CREB5: variants seen among roughly 807,000 people sequenced by gnomAD.
The protein encoded by CREB5 is cyclic AMP-responsive element-binding protein 5.
A neutral mutation model predicts 57.1 loss-of-function variants in CREB5; 19 were observed. That is an observed-to-expected ratio of 0.33 (90% CI 0.23 to 0.49). The LOEUF (loss-of-function observed/expected upper bound fraction) is 0.49. Among genes scored for constraint, CREB5 ranks in the 20% least tolerant of loss-of-function variants. The pLI, the probability that CREB5 is intolerant of heterozygous loss-of-function variation, is 0.99. For missense variants in CREB5, 579 were observed against 671.6 expected, an observed-to-expected ratio of 0.86 and a Z score of 1.52; for synonymous variants, 238 against 238.3, an observed-to-expected ratio of 1.00 and a Z score of 0.01.
chr7:28,661,585 C>A (rs562149689), intron 5 of CREB5, among the ~76,000 whole-genome samples: 3 of 152,286 alleles, frequency 2.0e-5, no homozygotes, highest in African/African-American at 7.2e-5. Context: ...TTACTTGCTG[C>A]ATTTAGAGAC....
chr7:28,545,429 G>A (rs760222775), intron 4 of CREB5, among the ~76,000 whole-genome samples: 2 of 152,080 alleles, frequency 1.3e-5, no homozygotes, highest in Non-Finnish European at 2.9e-5. Flanking sequence ...GCAAAGCTAT[G>A]GTACATTTCT....
chr7:28,529,576 A>G (rs1246396583), intron 4 of CREB5, among the ~76,000 whole-genome samples: 1 of 152,194 alleles, frequency 6.6e-6, no homozygotes, highest in Non-Finnish European at 1.5e-5. Flanking sequence ...CAACCCCTTC[A>G]TTCCCTCAAA....
intron 5 of CREB5, among the ~76,000 whole-genome samples, chr7:28,608,532 A>G (rs1401628510): frequency 6.6e-6 from 1 of 152,144 alleles, no homozygotes; most frequent in African/African-American, 2.4e-5. Context: ...CATATTATTC[A>G]GTCCCAGTCT....
chr7:28,502,761 A>G (rs1043329880), intron 3 of CREB5, among the ~76,000 whole-genome samples: 2 of 152,230 alleles, frequency 1.3e-5, no homozygotes, highest in Non-Finnish European at 2.9e-5. Flanking sequence ...TTGCTTAGGA[A>G]GTTAATATTA....
At chr7:28,689,168 T>C (rs550932514) in intron 5 of CREB5, among the ~76,000 whole-genome samples, 91 of 152,328 alleles carry the variant, frequency 6.0e-4, no homozygotes, top group African/African-American at 2.1e-3. Flanking sequence ...TACATTTACA[T>C]GCATTCATAA....
chr7:28,647,861 T>C (rs1798945344), intron 5 of CREB5, among the ~76,000 whole-genome samples: 1 of 152,004 alleles, frequency 6.6e-6, no homozygotes, highest in Admixed American at 6.6e-5. Context: ...CAGGAGGATC[T>C]CTTGAGCCCG....
chr7:28,528,872 A>G (rs868234887), intron 4 of CREB5, among the ~76,000 whole-genome samples: 6 of 151,988 alleles, frequency 3.9e-5, no homozygotes, highest in Middle Eastern at 3.2e-3. Context: ...TCTGAACATT[A>G]TCTCAGAATC....
chr7:28,602,034 G>A (rs565195651), intron 5 of CREB5, among the ~76,000 whole-genome samples: 36 of 149,572 alleles, frequency 2.4e-4, no homozygotes, highest in Non-Finnish European at 3.8e-4. Flanking sequence ...AATACATTAT[G>A]GTGTGGTATA....
At chr7:28,635,200 C>T (rs760627778) in intron 5 of CREB5, among the ~76,000 whole-genome samples, 1 of 152,166 alleles carries the variant, frequency 6.6e-6, no homozygotes, top group East Asian at 1.9e-4. Context: ...GAATGACTGT[C>T]GAGTGAGCCT....
rs570207682 is a variant in CREB5, at chr7:28,523,043, T to C, written c.291+15306T>C. ...ACCATCCTAGAGTAAAATGAACATT[T>C]GGTGAGTGAAGAGGTATTTGGAACC... On this transcript the variant is annotated intron_variant, in intron 4 of 10. Coordinates refer to ENST00000357727, the MANE Select transcript of CREB5 (RefSeq NM_182898.4). Among the ~76,000 whole-genome samples the C allele has an allele frequency of 3.3e-5, 5 of 152,272 alleles. No individual in the cohort carries two copies. The East Asian group carries it at 9.7e-4, about 29-fold the overall frequency.
chr7:28,712,651 A>C (rs1802462026), intron 5 of CREB5, among the ~76,000 whole-genome samples: 1 of 145,678 alleles, frequency 6.9e-6, no homozygotes, highest in Non-Finnish European at 1.5e-5. Context: ...CCTGTGCCTC[A>C]GCCTCCCGAG....
rs1022067669 is a variant in CREB5, at chr7:28,825,277, C to T, written c.*5998C>T. ...AAAATACAACCTACTCACCTTTTTC[C>T]CTTCTAAGTTCTGCTAAATCACATC... On this transcript the variant is annotated 3_prime_UTR_variant, in exon 11 of 11. Transcript: ENST00000357727. The T allele has an allele frequency of 6.6e-6, 1 of 152,306 alleles. No individual in the cohort carries two copies. The highest frequency in any genetic ancestry group is 1.5e-5 in the Non-Finnish European group (1 of 68,014). 9.4% of individuals were successfully genotyped at this position (152,306 alleles called of 1,614,324 possible). A position where few individuals can be genotyped will look rare whatever the true frequency, so the allele number is the denominator to read the frequency against.
chr7:28,521,796 G>A (rs1298919496), intron 4 of CREB5, among the ~76,000 whole-genome samples: 2 of 152,160 alleles, frequency 1.3e-5, no homozygotes, highest in Non-Finnish European at 2.9e-5. Flanking sequence ...GAGTTTGTGT[G>A]CCAGGAGAAT....
Position 28,804,483 on chromosome 7 carries a change from C to A in CREB5, c.987C>A (p.Thr329=), listed in dbSNP as rs1583785457. 2 of 1,614,132 alleles carry A rather than the reference C, an allele frequency of 1.2e-6. No homozygotes were observed. Among genetic ancestry groups the A allele is most frequent in the Non-Finnish European group, 1.7e-6 (2 of 1,180,010 alleles). ...HLHAHPAHHQ[T]SPHPPLHTGN... is the part of the protein sequence containing the mutation. ...ATGCACACCCAGCACATCACCAGAC[C>A]TCGCCACATCCGCCCCTGCACACCG... Residue 329 remains threonine (T), a synonymous_variant, in exon 8 of 11, where the codon ACC becomes ACA. Coordinates refer to ENST00000357727, the MANE Select transcript of CREB5 (RefSeq NM_182898.4).
At chr7:28,508,230 CTG>C (rs1287934770) in intron 4 of CREB5, among the ~76,000 whole-genome samples, 3 of 152,196 alleles carry the variant, frequency 2.0e-5, no homozygotes, top group African/African-American at 7.2e-5. Context: ...TTGAGTACAA[CTG>C]TGAATCATTT....
At chr7:28,369,817 C>T (rs1050687545) in intron 1 of CREB5, among the ~76,000 whole-genome samples, 3 of 152,158 alleles carry the variant, frequency 2.0e-5, no homozygotes, top group Non-Finnish European at 4.4e-5. Flanking sequence ...CCAGACACCA[C>T]CTCCTTCCCC....
intron 5 of CREB5, among the ~76,000 whole-genome samples, chr7:28,678,098 G>A (rs1363315433): frequency 1.3e-5 from 2 of 152,182 alleles, no homozygotes; most frequent in Non-Finnish European, 2.9e-5. Context: ...TTGTAAGAAT[G>A]GAAAAGAGGC....
intron 9 of CREB5, among the ~76,000 whole-genome samples, chr7:28,810,521 C>T (rs540398762): frequency 6.6e-6 from 1 of 152,072 alleles, no homozygotes; most frequent in African/African-American, 2.4e-5. Flanking sequence ...GCAGAAACCC[C>T]GTCTCTACTA....
At chr7:28,305,967 G>A (rs554155853) in intron 1 of CREB5, among the ~76,000 whole-genome samples, 1 of 151,950 alleles carries the variant, frequency 6.6e-6, no homozygotes, top group African/African-American at 2.4e-5. Context: ...GTATGGACAC[G>A]TGTACAGATT....
Sources: allele counts gnomAD v4.1 joint callset (sites outside exome capture counted in the v4.1 genomes callset), GRCh38; gene constraint gnomAD v4.1.1; transcripts MANE v1.5; gene names NCBI Gene and HGNC (gene_info 2026-07-23, HGNC 2026-07-21).